Variants in TTI2 observed in about 807,000 individuals in gnomAD.
TTI2 encodes TELO2-interacting protein 2.
In TTI2, 26 loss-of-function variants were observed where a neutral mutation model predicts 44.9. The observed-to-expected ratio is 0.58, with a 90% CI of 0.42 to 0.80. The LOEUF (loss-of-function observed/expected upper bound fraction) is 0.80, where lower values mean the gene tolerates loss of function less well. TTI2 is among the 30% of genes least tolerant of loss of function. TTI2 has a pLI of 0.00. For synonymous variants in TTI2, 254 were observed against 250.9 expected (o/e 1.01, Z -0.12); for missense variants, 582 against 611.6 (o/e 0.95, Z 0.51).
At position 33,507,250 on chromosome 8, in the gene TTI2, T is replaced by C. The variant is rs2128829329; in HGVS notation, c.906A>G (p.Thr302=). ...TTACCTGAATGAGGTGGTGCTCTGGTGTGTACAGGTGGTTGGAAATGGCAT... is the reference window on the plus strand; with the variant it reads ...TTACCTGAATGAGGTGGTGCTCTGGCGTGTACAGGTGGTTGGAAATGGCAT... The part of the protein sequence containing the change: ...LYHAISNHLY[T]PEHHLIQAVL... The change falls in exon 4 of 8, where the codon ACA becomes ACG. Residue 302 remains threonine (T), a synonymous_variant. Transcript: ENST00000431156. The C allele has an allele frequency of 2.5e-6, 4 of 1,614,116 alleles. No homozygotes were observed. The highest frequency in any genetic ancestry group is 1.3e-5 in the African/African-American group (1 of 75,044).
At chr8:33,507,659 T>C (rs1334457671) in intron 3 of TTI2, among the ~76,000 whole-genome samples, 1 of 151,428 alleles carries the variant, frequency 6.6e-6, no homozygotes, top group East Asian at 1.9e-4. Context: ...CACCTATCCA[T>C]CCCCCCACCA....
chr8:33,499,812 T>G (rs1031268494), intron 7 of TTI2: 2 of 160,030 alleles, frequency 1.2e-5, no homozygotes, highest in Admixed American at 6.1e-5. Context: ...ACACAGCTAT[T>G]ATATGCTGTG....
chr8:33,512,720 C>A lies in TTI2; in HGVS notation c.-99-8G>T. ...GCGATCACCCAAAGAGAACTAAAAT[C>A]AAATAAAATAAAACAGAGAGATGTC... On this transcript the variant is annotated splice_polypyrimidine_tract_variant and splice_region_variant and intron_variant, in intron 1 of 7. Transcript: ENST00000431156. The A allele has an allele frequency of 3.1e-6, 4 of 1,298,128 alleles. No homozygotes were observed. The highest frequency in any genetic ancestry group is 4.3e-6 in the Non-Finnish European group (4 of 940,132). 80.4% of individuals were successfully genotyped at this position (1,298,128 alleles called of 1,614,324 possible).
intron 1 of TTI2, 45 bp from the exon 2 acceptor site, chr8:33,512,757 G>A: frequency 1.1e-6 from 1 of 944,398 alleles, no homozygotes; most frequent in South Asian, 1.7e-5. Context: ...TGGAGGAGGG[G>A]GCGAGTCTGA....
At position 33,499,292 on chromosome 8, in the gene TTI2, C is replaced by G. The variant is rs1464028311; in HGVS notation, c.1423-15G>C. ...GCCAGGAGACCCTGAAACATGAAAC[C>G]AAACAGGCTTTGATATTTTTTTTTT... On this transcript the variant is annotated splice_polypyrimidine_tract_variant and intron_variant, in intron 7 of 7. Transcript: ENST00000431156. The G allele has an allele frequency of 1.3e-6, 2 of 1,571,944 alleles. No individual in the cohort carries two copies.
intron 2 of TTI2, among the ~76,000 whole-genome samples, chr8:33,510,199 A>G (rs908364394): frequency 1.3e-5 from 2 of 152,122 alleles, no homozygotes; most frequent in Non-Finnish European, 2.9e-5. Flanking sequence ...AGCTACATAA[A>G]GGACTTATGG....
At chr8:33,499,383 G>T in intron 7 of TTI2, 106 bp from the exon 8 acceptor site, 1 of 827,544 alleles carries the variant, frequency 1.2e-6, no homozygotes, top group African/African-American at 1.7e-5. Flanking sequence ...AGGAAAGAAT[G>T]GATGACACTT....
chr8:33,511,078 T>A (rs1024460031), intron 2 of TTI2, among the ~76,000 whole-genome samples: 1 of 152,194 alleles, frequency 6.6e-6, no homozygotes, highest in African/African-American at 2.4e-5. Flanking sequence ...TGTCTTGCTC[T>A]GTTGCCCAGA....
chr8:33,503,776 C>T lies in TTI2; in HGVS notation c.1087G>A (p.Ala363Thr), dbSNP rs962681131. 8 of 1,613,746 alleles carry T rather than the reference C, an allele frequency of 5.0e-6. No homozygotes were observed. The highest frequency in any genetic ancestry group is 2.7e-5 in the African/African-American group (2 of 74,902). ...TTCACGAAAGCCGGCAGGTTTCTTGCGTAGGTCCTGCGTAAAAGAAGGCGG... is the reference window on the plus strand; with the variant it reads ...TTCACGAAAGCCGGCAGGTTTCTTGTGTAGGTCCTGCGTAAAAGAAGGCGG... ...EHRLLLRRTY[A>T]RNLPAFVNRL... Residue 363 changes from alanine to threonine, a missense_variant, in exon 5 of 8, where the codon GCA (alanine) becomes ACA (threonine). Ala to Thr is a moderately conservative substitution (Grantham distance 58). Coordinates refer to ENST00000431156, the MANE Select transcript of TTI2 (RefSeq NM_001102401.4).
intron 6 of TTI2, among the ~76,000 whole-genome samples, chr8:33,502,973 C>T (rs1276299404): frequency 6.6e-6 from 1 of 151,332 alleles, no homozygotes; most frequent in African/African-American, 2.4e-5. Flanking sequence ...ACTGAAAATA[C>T]AAAAAATTAG....
intron 7 of TTI2, 128 bp downstream of exon 7, chr8:33,500,200 G>T: frequency 9.7e-7 from 1 of 1,025,804 alleles, no homozygotes; most frequent in Non-Finnish European, 1.5e-6. Context: ...GGGCTCATAT[G>T]GAGATCTAAA....
chr8:33,512,336 G>T lies in TTI2; in HGVS notation c.278C>A (p.Ala93Glu). ...GQVAKALEKYAAPSKEEEGGG... is the reference protein window; with the variant it reads ...GQVAKALEKYEAPSKEEEGGG... ...ACCTTCCTCCTCCTTGGAGGGGGCT[G>T]CATACTTCTCCAGGGCTTTTGCTAC... The change falls in exon 2 of 8, where the codon GCA becomes GAA. Residue 93 changes from alanine to glutamate, a missense_variant. Physicochemically the swap from Ala to Glu is moderately radical, Grantham distance 107. Transcript: ENST00000431156. 6.2e-7 allele frequency: 1 copy of T among 1,614,190 alleles called. No individual in the cohort carries two copies. The highest frequency in any genetic ancestry group is 8.5e-7 in the Non-Finnish European group (1 of 1,180,042).
At chr8:33,503,640 G>C in intron 5 of TTI2, 68 bp from the exon 6 acceptor site, 1 of 1,606,912 alleles carries the variant, frequency 6.2e-7, no homozygotes, top group Non-Finnish European at 8.5e-7. Flanking sequence ...TACTTTGGGA[G>C]GCTGAGGTGG....
intron 2 of TTI2, 72 bp from the exon 3 acceptor site, chr8:33,510,004 T>G: frequency 9.0e-7 from 1 of 1,113,314 alleles, no homozygotes; most frequent in Non-Finnish European, 1.3e-6. Flanking sequence ...AAAAAACTAC[T>G]TCAAGCTAAA....
intron 4 of TTI2, 71 bp downstream of exon 4, chr8:33,507,158 A>G: frequency 7.6e-7 from 1 of 1,315,446 alleles, no homozygotes; most frequent in Admixed American, 1.8e-5. Context: ...AATTACTACT[A>G]CTCACACAAT....
Position 33,503,741 on chromosome 8 carries a change from G to C in TTI2, c.1115+7C>G, listed in dbSNP as rs199720231. ...AAATAATAATAAATAAAAGCCCAGG[G>C]CCTCACCTGTTCACGAAAGCCGGCA... On this transcript the variant is annotated splice_region_variant and intron_variant, in intron 5 of 7. Transcript: ENST00000431156. 490 of 1,613,148 alleles carry C rather than the reference G, an allele frequency of 3.0e-4. 3 individuals are homozygous for C. In the African/African-American group the frequency reaches 5.6e-3, roughly 18 times the overall value.
intron 3 of TTI2, among the ~76,000 whole-genome samples, chr8:33,508,617 CAAAAAA>C (rs55717202): frequency 3.3e-4 from 21 of 63,970 alleles, no homozygotes; most frequent in African/African-American, 1.2e-3. Flanking sequence ...GACTCTGCCT[CAAAAAA>C]AAAAAAAAAA....
intron 3 of TTI2, among the ~76,000 whole-genome samples, chr8:33,507,581 C>T (rs1295549237): frequency 6.6e-6 from 1 of 152,080 alleles, no homozygotes; most frequent in African/African-American, 2.4e-5. Context: ...GAAAACAGCC[C>T]TTACAGAGAC....
chr8:33,507,220 T>C lies in TTI2; in HGVS notation c.927+9A>G. 1.2e-6 allele frequency: 2 copies of C among 1,612,136 alleles called. No individual in the cohort carries two copies. Among genetic ancestry groups the C allele is most frequent in the Admixed American group, 3.3e-5 (2 of 60,008 alleles). On this transcript the variant is annotated intron_variant, in intron 4 of 7. Transcript: ENST00000431156. ...TCCAGACCCAGTTATGAAGAAATCA[T>C]ACTATTACCTGAATGAGGTGGTGCT...
Sources: allele counts gnomAD v4.1 joint callset (sites outside exome capture counted in the v4.1 genomes callset), GRCh38; gene constraint gnomAD v4.1.1; transcripts MANE v1.5; gene names NCBI Gene and HGNC (gene_info 2026-07-23, HGNC 2026-07-21).